PDIA6: variants seen among roughly 807,000 people sequenced by gnomAD.
PDIA6 encodes protein disulfide isomerase family A member 6.
PDIA6 carries 29 observed loss-of-function variants against 58.4 expected under a neutral mutation model. The ratio of observed to expected loss-of-function variants is 0.50; its 90% CI spans 0.37 to 0.68. The LOEUF is 0.68. Ranked by LOEUF, PDIA6 falls within the 30% of genes least tolerant of loss-of-function variation. The pLI is 0.00. For missense variants in PDIA6, 480 were observed against 551.0 expected, an observed-to-expected ratio of 0.87 and a Z score of 1.29; for synonymous variants, 192 against 202.6, an observed-to-expected ratio of 0.95 and a Z score of 0.44.
chr2:10,790,629 T>G, intron 7 of PDIA6, 90 bp downstream of exon 7: 1 of 888,904 alleles, frequency 1.1e-6, no homozygotes, highest in South Asian at 1.4e-5. Context: ...AACATCTCCT[T>G]TACTACCTCA....
chr2:10,820,850 G>A (rs1387762848), intron 1 of PDIA6: 1 of 702,956 alleles, frequency 1.4e-6, no homozygotes, highest in Non-Finnish European at 2.6e-6. Context: ...GCTTCTCCCG[G>A]AGGTCTCTTC....
Position 10,800,707 on chromosome 2 carries a change from C to T in PDIA6, c.161+1792G>A, listed in dbSNP as rs192131400. Among the ~76,000 whole-genome samples, 115 of 151,700 alleles carry T rather than the reference C, an allele frequency of 7.6e-4. 1 individual carries two copies. Among genetic ancestry groups the T allele is most frequent in the South Asian group, 1.5e-3 (7 of 4,802 alleles). On this transcript the variant is annotated intron_variant, in intron 2 of 12. Coordinates refer to ENST00000272227, the MANE Select transcript of PDIA6 (RefSeq NM_005742.4). ...CTTCTACCTCACAGGCTCAGGTGATCTTCCCACCTCAGCCTCCTGAGTAGC... is the reference window on the plus strand; with the variant it reads ...CTTCTACCTCACAGGCTCAGGTGATTTTCCCACCTCAGCCTCCTGAGTAGC...
At chr2:10,830,696 G>A (rs1667685625) in intron 1 of PDIA6, among the ~76,000 whole-genome samples, 1 of 152,232 alleles carries the variant, frequency 6.6e-6, no homozygotes, top group Non-Finnish European at 1.5e-5. Context: ...GAAATAGGGA[G>A]AATGTGGCCT....
chr2:10,788,406 G>C (rs1325808449), intron 10 of PDIA6, among the ~76,000 whole-genome samples: 3 of 152,038 alleles, frequency 2.0e-5, no homozygotes, highest in Admixed American at 6.6e-5. Context: ...TGTAATCCCA[G>C]GACTTTGGGA....
At chr2:10,796,244 A>G (rs578105923) in intron 4 of PDIA6, among the ~76,000 whole-genome samples, 20 of 152,122 alleles carry the variant, frequency 1.3e-4, no homozygotes, top group South Asian at 6.2e-4. Flanking sequence ...TAGTAGAGAC[A>G]GGGTTTCACC....
At chr2:10,802,902 GT>G (rs1666575428) in intron 1 of PDIA6, among the ~76,000 whole-genome samples, 1 of 152,190 alleles carries the variant, frequency 6.6e-6, no homozygotes, top group Admixed American at 6.5e-5. Context: ...ATTATTCTTA[GT>G]GGCTTTCATG....
At chr2:10,798,490 C>T (rs1315942594) in intron 2 of PDIA6, among the ~76,000 whole-genome samples, 2 of 150,710 alleles carry the variant, frequency 1.3e-5, no homozygotes, top group Admixed American at 1.3e-4. Context: ...ATCGCTTGAA[C>T]TCGGGAAACG....
At chr2:10,831,678 T>C (rs576341068) in intron 1 of PDIA6, among the ~76,000 whole-genome samples, 2 of 152,264 alleles carry the variant, frequency 1.3e-5, no homozygotes, top group South Asian at 2.1e-4. Flanking sequence ...TGGCCTTCAC[T>C]GAACACGAGT....
At chr2:10,790,931 C>A in intron 6 of PDIA6, 98 bp from the exon 7 acceptor site, 2 of 794,976 alleles carry the variant, frequency 2.5e-6, no homozygotes, top group East Asian at 2.5e-5. Flanking sequence ...CTCCCTGCAG[C>A]CTCAATCTCC....
chr2:10,786,325 G>GGA (rs11426589), intron 11 of PDIA6, among the ~76,000 whole-genome samples: 3,288 of 151,196 alleles, frequency 0.022, 136 homozygotes, highest in African/African-American at 0.075. Flanking sequence ...GGGTGGGGGG[G>GGA]AAAGAAAACA....
At chr2:10,806,628 C>CAGACAGACAGACAGACAGACAGAA (rs1553339929) in intron 1 of PDIA6, among the ~76,000 whole-genome samples, 1 of 70,366 alleles carries the variant, frequency 1.4e-5, no homozygotes, top group African/African-American at 3.5e-5. Flanking sequence ...AAAATAAAGA[C>CAGACAGACAGACAGACAGACAGAA]AGAAAGAAAG....
At chr2:10,790,457 G>A (rs1665981669) in intron 7 of PDIA6, among the ~76,000 whole-genome samples, 1 of 152,138 alleles carries the variant, frequency 6.6e-6, no homozygotes, top group African/African-American at 2.4e-5. Context: ...ACTCACAACA[G>A]CCATATGAGC....
rs550809230 is a variant in PDIA6 at position 10,783,653 on chromosome 2, A to G, written c.*605T>C. Reference sequence around the variant, plus strand: ...GACAGCCCAAAGACAAATATTGGGCAGGAAATCAGTTCTCACTGAGCCCGG... The same window carrying G: ...GACAGCCCAAAGACAAATATTGGGCGGGAAATCAGTTCTCACTGAGCCCGG... On this transcript the variant is annotated 3_prime_UTR_variant, in exon 13 of 13. Coordinates refer to ENST00000272227, the MANE Select transcript of PDIA6 (RefSeq NM_005742.4). The G allele has an allele frequency of 6.0e-6, 1 of 167,314 alleles. No individual in the cohort carries two copies. The highest frequency in any genetic ancestry group is 1.8e-4 in the East Asian group (1 of 5,574). 10.4% of individuals were successfully genotyped at this position (167,314 alleles called of 1,614,324 possible). A position where few individuals can be genotyped will look rare whatever the true frequency, so the allele number is the denominator to read the frequency against.
intron 2 of PDIA6, among the ~76,000 whole-genome samples, chr2:10,818,855 A>G (rs1459960595): frequency 6.6e-6 from 1 of 152,090 alleles, no homozygotes. Flanking sequence ...GTTCCATGGC[A>G]TTAAATGCGC....
chr2:10,814,985 C>T (rs190608960), upstream of PDIA6, among the ~76,000 whole-genome samples: 25 of 152,336 alleles, frequency 1.6e-4, no homozygotes, highest in East Asian at 4.6e-3. Flanking sequence ...TAACTCCCTG[C>T]TAAATATCCC....
chr2:10,784,842 T>G (rs577120793), intron 12 of PDIA6, 92 bp downstream of exon 12: 18 of 927,224 alleles, frequency 1.9e-5, no homozygotes, highest in Middle Eastern at 2.6e-4. Context: ...TGAGGTCTGA[T>G]GGGAAGGACT....
intron 10 of PDIA6, 89 bp downstream of exon 10, chr2:10,788,608 C>A (rs1665890320): frequency 2.3e-6 from 2 of 868,968 alleles, no homozygotes; most frequent in Admixed American, 1.9e-5. Flanking sequence ...ACATAGAACA[C>A]AGCTTACAAA....
intron 9 of PDIA6, 49 bp from the exon 10 acceptor site, chr2:10,788,818 T>C: frequency 1.9e-6 from 3 of 1,561,690 alleles, no homozygotes; most frequent in Non-Finnish European, 2.6e-6. Context: ...AAGGAGTCCA[T>C]AAAATTAATC....
chr2:10,797,539 C>T (rs1181214954), intron 3 of PDIA6, among the ~76,000 whole-genome samples, 161 bp downstream of exon 3: 1 of 152,152 alleles, frequency 6.6e-6, no homozygotes, highest in Non-Finnish European at 1.5e-5. Flanking sequence ...ATTTTGACAA[C>T]AGAACCAGTA....
Sources: gnomAD v4.1 joint callset for allele counts (sites outside exome capture counted in the v4.1 genomes callset) on GRCh38, gnomAD v4.1.1 for gene constraint, MANE v1.5 for transcripts, NCBI Gene and HGNC (gene_info 2026-07-23, HGNC 2026-07-21) for gene names.